Variants in WIPF1 observed in about 807,000 individuals in gnomAD.
WIPF1 encodes the protein WAS/WASL interacting protein family member 1.
A neutral mutation model predicts 35.4 loss-of-function variants in WIPF1; 13 were observed. The ratio of observed to expected loss-of-function variants is 0.37; its 90% CI spans 0.24 to 0.58. The LOEUF is 0.58. WIPF1 is among the 20% of genes least tolerant of loss of function. The probability of loss-of-function intolerance (pLI) is 0.74; values close to 1 mark genes in which losing one functional copy is unlikely to be tolerated. For missense variants in WIPF1, 591 were observed against 667.0 expected (o/e 0.89, Z 1.25); for synonymous variants, 267 against 266.3 (o/e 1.00, Z -0.02).
rs775538363 is a variant in WIPF1 at position 174,572,037 on chromosome 2, G to C, written c.768C>G (p.Pro256=). ...FSNRPPLPPT[P]SRALDDKPPP... The stretch of plus-strand genomic sequence containing the variant: ...GGGGTTTGTCATCCAAGGCCCTGCT[G>C]GGGGTAGGCGGCAGGGGAGGCCGGT... Residue 256 remains proline (P), a synonymous_variant, in exon 5 of 8, where the codon CCC becomes CCG. Transcript: ENST00000679041. 1.3e-6 allele frequency: 2 copies of C among 1,548,336 alleles called. No homozygotes were observed. Among genetic ancestry groups the C allele is most frequent in the South Asian group, 1.3e-5 (1 of 79,350 alleles).
intron 1 of WIPF1, among the ~76,000 whole-genome samples, chr2:174,633,691 G>A (rs181525911): frequency 4.6e-4 from 70 of 152,310 alleles, no homozygotes; most frequent in African/African-American, 1.5e-3. Context: ...GTTTCTGGAC[G>A]GCTGCTTCCC....
chr2:174,645,339 T>C (rs377098506), intron 1 of WIPF1, among the ~76,000 whole-genome samples: 6 of 152,238 alleles, frequency 3.9e-5, no homozygotes, highest in African/African-American at 9.6e-5. Flanking sequence ...ATAAGTCAAG[T>C]GTCATTTCCA....
intron 3 of WIPF1, among the ~76,000 whole-genome samples, chr2:174,576,707 T>A (rs1243005276): frequency 2.0e-5 from 3 of 152,192 alleles, no homozygotes; most frequent in Admixed American, 2.0e-4. Context: ...TCCATTGTCT[T>A]TGAGCCACAG....
chr2:174,651,024 G>A (rs1687523109), intron 1 of WIPF1, among the ~76,000 whole-genome samples: 1 of 152,206 alleles, frequency 6.6e-6, no homozygotes, highest in South Asian at 2.1e-4. Context: ...ACCAGTGAAT[G>A]GAAAGAATAA....
chr2:174,615,124 A>G (rs575657793), intron 1 of WIPF1, among the ~76,000 whole-genome samples: 1 of 152,328 alleles, frequency 6.6e-6, no homozygotes, highest in African/African-American at 2.4e-5. Flanking sequence ...CTAAAATGCC[A>G]CCAAACCATA....
intron 3 of WIPF1, among the ~76,000 whole-genome samples, chr2:174,579,594 C>T (rs1240346629): frequency 6.6e-6 from 1 of 152,214 alleles, no homozygotes; most frequent in African/African-American, 2.4e-5. Context: ...TTCCTTCCAT[C>T]AAGGAAAGCA....
chr2:174,564,981 C>G (rs1436346850), intron 7 of WIPF1, among the ~76,000 whole-genome samples: 2 of 151,948 alleles, frequency 1.3e-5, no homozygotes, highest in African/African-American at 4.8e-5. Flanking sequence ...CCGCAACCTC[C>G]ACCTCCTGAG....
rs1684850303 is a variant in WIPF1 at position 174,571,732 on chromosome 2, G to A, written c.1073C>T (p.Pro358Leu). Residue 358 changes from proline (P) to leucine (L), a missense_variant, in exon 5 of 8, where the codon CCT (proline) becomes CTT (leucine). Physicochemically the swap from Pro to Leu is moderately conservative, Grantham distance 98. Around this residue, in one of 3 missense-constraint regions of WIPF1, gnomAD observed 471 missense variants for 501.1 expected, o/e 0.94. Coordinates refer to ENST00000679041, the MANE Select transcript of WIPF1 (RefSeq NM_001375834.1). This position sits in a 1 kb window ranked among gnomAD's most constrained non-coding sequence, Gnocchi z 4.6. Reference sequence around the variant, plus strand: ...TGGGGGTCTCTCACTGGGCGGGGGAGGAAGAGGACCTGAACGTCCTGGCGA... The same window carrying A: ...TGGGGGTCTCTCACTGGGCGGGGGAAGAAGAGGACCTGAACGTCCTGGCGA... ...LPSPGRSGPL[P>L]PPPSERPPPP... 1 of 1,614,176 alleles carries A rather than the reference G, an allele frequency of 6.2e-7. No individual in the cohort carries two copies.
chr2:174,585,578 G>A lies in WIPF1; in HGVS notation c.-5C>T. 1.9e-6 allele frequency: 3 copies of A among 1,612,534 alleles called. No homozygotes were observed. The highest frequency in any genetic ancestry group is 8.5e-7 in the Non-Finnish European group (1 of 1,179,332). On this transcript the variant is annotated 5_prime_UTR_variant, in exon 2 of 8. Transcript: ENST00000679041. ...TGGAGGGGGAGGGACAGGCATCTTG[G>A]GCAGTTATGCGTTCAACAGTCTTGC...
At chr2:174,574,444 G>A (rs1278906316) in intron 4 of WIPF1, among the ~76,000 whole-genome samples, 1 of 152,196 alleles carries the variant, frequency 6.6e-6, no homozygotes, top group Admixed American at 6.5e-5. Context: ...TCATGTAAAT[G>A]TGAGAGTTTC....
upstream of WIPF1, among the ~76,000 whole-genome samples, chr2:174,598,561 C>G (rs1685896206): frequency 6.6e-6 from 1 of 152,170 alleles, no homozygotes; most frequent in Non-Finnish European, 1.5e-5. Flanking sequence ...TCAAAGTGAT[C>G]CTTCCATCTT....
intron 3 of WIPF1, among the ~76,000 whole-genome samples, chr2:174,575,746 G>A (rs1685038063): frequency 6.6e-6 from 1 of 151,530 alleles, no homozygotes; most frequent in Non-Finnish European, 1.5e-5. Flanking sequence ...GGAGGCTGAG[G>A]TGGGAGGATC....
chr2:174,605,394 C>T (rs1686129840), intron 1 of WIPF1, among the ~76,000 whole-genome samples: 1 of 152,102 alleles, frequency 6.6e-6, no homozygotes. Context: ...GCCGAGATTA[C>T]GCCACTGCAT....
chr2:174,600,030 C>T (rs1685951684), upstream of WIPF1, among the ~76,000 whole-genome samples: 4 of 152,194 alleles, frequency 2.6e-5, no homozygotes, highest in South Asian at 8.3e-4. Context: ...AGCTCGCATG[C>T]ACAGTTCACT....
intron 7 of WIPF1, among the ~76,000 whole-genome samples, chr2:174,564,037 A>C (rs573488426): frequency 6.6e-6 from 1 of 152,274 alleles, no homozygotes; most frequent in East Asian, 1.9e-4. Context: ...CTGACCCGCC[A>C]CAAGTGGTTA....
chr2:174,648,451 T>G (rs960909113), intron 1 of WIPF1, among the ~76,000 whole-genome samples: 2 of 152,216 alleles, frequency 1.3e-5, no homozygotes, highest in Non-Finnish European at 2.9e-5. Context: ...TACTGAAATA[T>G]GTCTCCTGAA....
chr2:174,597,857 T>C (rs998595478), upstream of WIPF1: 2 of 152,634 alleles, frequency 1.3e-5, no homozygotes, highest in African/African-American at 4.8e-5. Context: ...CTTCCTCCTT[T>C]GCTGCAGAAA....
At chr2:174,624,926 C>T (rs1041879707) in intron 1 of WIPF1, among the ~76,000 whole-genome samples, 3 of 152,210 alleles carry the variant, frequency 2.0e-5, no homozygotes, top group Non-Finnish European at 4.4e-5. Flanking sequence ...CTGACCCCAT[C>T]GCCCTACAGC....
chr2:174,595,109 A>AAAAAAAT (rs1553529785), intron 1 of WIPF1, among the ~76,000 whole-genome samples: 15 of 57,746 alleles, frequency 2.6e-4, no homozygotes, highest in African/African-American at 6.3e-4. Flanking sequence ...AAAAAAAAAA[A>AAAAAAAT]ATATATATAT....
Sources: allele counts gnomAD v4.1 joint callset (sites outside exome capture counted in the v4.1 genomes callset), GRCh38; gene constraint gnomAD v4.1.1; regional missense constraint gnomAD v4.1.1; non-coding constraint Gnocchi (gnomAD v3.1); transcripts MANE v1.5; gene names NCBI Gene and HGNC (gene_info 2026-07-23, HGNC 2026-07-21).